Variants in CRYBG3 observed in about 807,000 individuals in gnomAD.
The protein encoded by CRYBG3 is crystallin beta-gamma domain containing 3.
CRYBG3 carries 127 observed loss-of-function variants against 244.2 expected under a neutral mutation model. The observed-to-expected ratio is 0.52, with a 90% CI of 0.45 to 0.60. The LOEUF (loss-of-function observed/expected upper bound fraction) is 0.60. CRYBG3 is among the 20% of genes least tolerant of loss of function. CRYBG3 has a pLI of 0.00. For missense variants in CRYBG3, 3,325 were observed against 3,442.5 expected (o/e 0.97, Z 0.85); for synonymous variants, 1,132 against 1,195.8 (o/e 0.95, Z 1.10).
intron 15 of CRYBG3, among the ~76,000 whole-genome samples, chr3:97,910,225 G>T (rs1158436941): frequency 1.3e-3 from 201 of 152,090 alleles, no homozygotes; most frequent in African/African-American, 4.6e-3. Flanking sequence ...TGCCCCCAGA[G>T]GTGGAGCCTA....
chr3:97,928,528 C>A (rs1006486639), intron 17 of CRYBG3, among the ~76,000 whole-genome samples: 1 of 151,720 alleles, frequency 6.6e-6, no homozygotes, highest in Non-Finnish European at 1.5e-5. Flanking sequence ...CATGTAACAA[C>A]CCTGCATATA....
chr3:97,875,815 C>A lies in CRYBG3; in HGVS notation c.4621C>A (p.Pro1541Thr), dbSNP rs1349245864. 6.5e-6 allele frequency: 8 copies of A among 1,231,544 alleles called. No individual in the cohort carries two copies. Among genetic ancestry groups the A allele is most frequent in the Non-Finnish European group, 8.1e-6 (8 of 987,570 alleles). 76.3% of individuals were successfully genotyped at this position (1,231,544 alleles called of 1,614,324 possible). Residue 1541 changes from proline to threonine, a missense_variant, in exon 4 of 22, where the codon CCT (proline) becomes ACT (threonine). Pro to Thr is a conservative substitution (Grantham distance 38). Transcript: ENST00000389622. ...AAATATAGGGAAAATTGAACTTATA[C>A]CTTCCATGTTAGAAACAGGGAAAAC... ...EINIGKIELI[P>T]SMLETGKTNK...
At chr3:97,888,534 T>C in intron 9 of CRYBG3, 79 bp downstream of exon 9, 2 of 911,428 alleles carry the variant, frequency 2.2e-6, no homozygotes, top group Non-Finnish European at 3.6e-6. Context: ...TGTTTGCTCA[T>C]GCATCTCAAT....
At chr3:97,941,076 C>G in intron 19 of CRYBG3, 72 bp from the exon 20 acceptor site, 2 of 1,316,642 alleles carry the variant, frequency 1.5e-6, no homozygotes, top group East Asian at 2.4e-5. Flanking sequence ...TCCCTCCCAG[C>G]TTTCCTCCTC....
intron 17 of CRYBG3, among the ~76,000 whole-genome samples, chr3:97,921,572 C>T (rs2039985220): frequency 1.3e-5 from 2 of 152,060 alleles, no homozygotes. Flanking sequence ...TGTGTCTTAT[C>T]CATTTACAAT....
intron 4 of CRYBG3, among the ~76,000 whole-genome samples, chr3:97,878,422 C>T (rs1484111707): frequency 1.3e-5 from 2 of 151,690 alleles, no homozygotes; most frequent in East Asian, 3.9e-4. Context: ...ACAAACAAAG[C>T]AAAAAAGAAA....
At chr3:97,924,491 T>C (rs2040017922) in intron 17 of CRYBG3, 2 of 420,296 alleles carry the variant, frequency 4.8e-6, no homozygotes, top group Middle Eastern at 3.4e-4. Flanking sequence ...GACAGATATT[T>C]ACAGTCTTGC....
intron 17 of CRYBG3, among the ~76,000 whole-genome samples, chr3:97,917,779 G>A (rs542859102): frequency 3.9e-5 from 6 of 152,138 alleles, no homozygotes; most frequent in African/African-American, 1.4e-4. Context: ...ATAAGATTTG[G>A]GTAAAATAAG....
At position 97,822,288 on chromosome 3, in the gene CRYBG3, AAGGAAG is replaced by A. The variant is rs1405562402; in HGVS notation, c.93_98del (p.Glu33_Glu34del). 6.5e-7 allele frequency: 1 copy of A among 1,530,784 alleles called. No individual in the cohort carries two copies. The highest frequency in any genetic ancestry group is 2.5e-5 in the East Asian group (1 of 40,384). 94.8% of individuals were successfully genotyped at this position (1,530,784 alleles called of 1,614,324 possible). On this transcript the variant is annotated inframe_deletion, in exon 1 of 22. Transcript: ENST00000389622. Reference sequence around the variant, plus strand: ...CGCTCCCCGAAGTCCTTCCCGGGACAAGGAAGAGGAAGAGGAGGAGAGGCCGGGGAC... The same window carrying A: ...CGCTCCCCGAAGTCCTTCCCGGGACAAGGAAGAGGAGGAGAGGCCGGGGAC...
chr3:97,837,838 A>G (rs1287193693), intron 1 of CRYBG3, among the ~76,000 whole-genome samples: 1 of 152,178 alleles, frequency 6.6e-6, no homozygotes, highest in Non-Finnish European at 1.5e-5. Flanking sequence ...GAAGACGCTT[A>G]TGGAAGCTGT....
At position 97,944,163 on chromosome 3, in the gene CRYBG3, G is replaced by A; in HGVS notation, c.*849G>A. 1 of 150,074 alleles carries A rather than the reference G, an allele frequency of 6.7e-6. No homozygotes were observed. The highest frequency in any genetic ancestry group is 6.7e-5 in the Admixed American group (1 of 14,916). 9.3% of individuals were successfully genotyped at this position (150,074 alleles called of 1,614,324 possible). A position where few individuals can be genotyped will look rare whatever the true frequency, so the allele number is the denominator to read the frequency against. On this transcript the variant is annotated 3_prime_UTR_variant, in exon 22 of 22. Coordinates refer to ENST00000389622, the MANE Select transcript of CRYBG3 (RefSeq NM_153605.4). ...TTTCAAATATCCAAATTAAAACACA[G>A]TAGCATTTGAACCTTGACCTTACCA...
intron 15 of CRYBG3, among the ~76,000 whole-genome samples, chr3:97,901,967 A>C (rs2039711041): frequency 6.6e-6 from 1 of 152,218 alleles, no homozygotes; most frequent in South Asian, 2.1e-4. Context: ...TAACACATGA[A>C]CAAAACATTC....
At chr3:97,832,320 A>C (rs1216943360) in intron 1 of CRYBG3, among the ~76,000 whole-genome samples, 1 of 152,084 alleles carries the variant, frequency 6.6e-6, no homozygotes, top group Non-Finnish European at 1.5e-5. Context: ...TTCAAACCAT[A>C]TTAGAAGGCT....
intron 8 of CRYBG3, among the ~76,000 whole-genome samples, chr3:97,886,983 A>G (rs1242842250): frequency 1.3e-5 from 2 of 152,212 alleles, no homozygotes; most frequent in Admixed American, 6.5e-5. Flanking sequence ...TTCTTGATAT[A>G]TGGATCTATT....
chr3:97,847,950 C>T (rs1417906450), intron 2 of CRYBG3, among the ~76,000 whole-genome samples: 5 of 152,030 alleles, frequency 3.3e-5, no homozygotes, highest in Admixed American at 6.6e-5. Context: ...TACAAAGAAC[C>T]GCATTTTTTG....
rs1169076522 is a variant in CRYBG3 at position 97,944,241 on chromosome 3, G to A, written c.*927G>A. ...TCTCTACTAAATAACAGAAACCTCA[G>A]TTTTTCACTCCCATTGTAAGTAACT... On this transcript the variant is annotated 3_prime_UTR_variant, in exon 22 of 22. Transcript: ENST00000389622. 1 of 151,640 alleles carries A rather than the reference G, an allele frequency of 6.6e-6. No individual in the cohort carries two copies. Among genetic ancestry groups the A allele is most frequent in the Non-Finnish European group, 1.5e-5 (1 of 67,850 alleles). 9.4% of individuals were successfully genotyped at this position (151,640 alleles called of 1,614,324 possible).
rs1193855077 is a variant in CRYBG3 at position 97,873,984 on chromosome 3, C to T, written c.2790C>T (p.Gly930=). The T allele has an allele frequency of 6.5e-7, 1 of 1,534,362 alleles. No homozygotes were observed. The highest frequency in any genetic ancestry group is 8.7e-7 in the Non-Finnish European group (1 of 1,146,366). ...DKPEPEVDAL[G]SPPALLKSNI... ...CAGAACCAGAGGTAGATGCCTTAGG[C>T]TCTCCTCCTGCTCTTCTTAAAAGTA... The change falls in exon 4 of 22, where the codon GGC becomes GGT. Residue 930 remains glycine (G), a synonymous_variant. Transcript: ENST00000389622.
intron 2 of CRYBG3, among the ~76,000 whole-genome samples, chr3:97,860,938 G>A (rs1370659959): frequency 6.6e-6 from 1 of 151,768 alleles, no homozygotes; most frequent in Non-Finnish European, 1.5e-5. Flanking sequence ...GTATCACAAG[G>A]GACCAAAAAT....
intron 8 of CRYBG3, among the ~76,000 whole-genome samples, chr3:97,887,183 A>G (rs1362996897): frequency 6.6e-6 from 1 of 152,110 alleles, no homozygotes; most frequent in East Asian, 1.9e-4. Context: ...TTACTCTCAT[A>G]TTATATATGA....
Sources: allele counts gnomAD v4.1 joint callset (sites outside exome capture counted in the v4.1 genomes callset), GRCh38; gene constraint gnomAD v4.1.1; transcripts MANE v1.5; gene names NCBI Gene and HGNC (gene_info 2026-07-23, HGNC 2026-07-21).